Variants in SGCZ observed in about 807,000 individuals in gnomAD.
The protein encoded by SGCZ is sarcoglycan zeta, also known as zeta-sarcoglycan.
SGCZ carries 40 observed loss-of-function variants against 41.3 expected under a neutral mutation model. The ratio of observed to expected loss-of-function variants is 0.97; its 90% CI spans 0.75 to 1.26. SGCZ has a LOEUF of 1.26. Ranked by LOEUF, SGCZ falls within the 50% of genes most tolerant of loss-of-function variation. The probability of loss-of-function intolerance (pLI) is 0.00; values close to 1 mark genes in which losing one functional copy is unlikely to be tolerated. For synonymous variants in SGCZ, 206 were observed against 137.5 expected, an observed-to-expected ratio of 1.50 and a Z score of -3.49; for missense variants, 552 against 369.8, an observed-to-expected ratio of 1.49 and a Z score of -4.04.
At chr8:14,515,713 G>C (rs1484524032) in intron 2 of SGCZ, among the ~76,000 whole-genome samples, 5 of 152,038 alleles carry the variant, frequency 3.3e-5, no homozygotes, top group Non-Finnish European at 4.4e-5. Flanking sequence ...ATTGACGAAA[G>C]TTGTCCATTG....
At chr8:14,117,034 T>C (rs1802544498) in intron 5 of SGCZ, among the ~76,000 whole-genome samples, 1 of 152,118 alleles carries the variant, frequency 6.6e-6, no homozygotes, top group African/African-American at 2.4e-5. Context: ...TGGGCTATTA[T>C]GGTAACCTGT....
intron 1 of SGCZ, among the ~76,000 whole-genome samples, chr8:14,828,497 G>A (rs1007734342): frequency 1.3e-5 from 2 of 152,126 alleles, no homozygotes; most frequent in South Asian, 2.1e-4. Context: ...CTGAGTTTTC[G>A]ATGGAAATTT....
intron 1 of SGCZ, among the ~76,000 whole-genome samples, chr8:15,119,879 A>C (rs1807413017): frequency 6.6e-6 from 1 of 152,156 alleles, no homozygotes; most frequent in South Asian, 2.1e-4. Context: ...GTGCGATCAT[A>C]ACGCATTGTG....
chr8:14,263,587 A>G (rs537678641), intron 3 of SGCZ, among the ~76,000 whole-genome samples: 3 of 152,102 alleles, frequency 2.0e-5, no homozygotes, highest in Non-Finnish European at 4.4e-5. Context: ...AAATGAATAA[A>G]TACATAAATA....
chr8:14,227,819 A>T (rs1164617827), intron 4 of SGCZ, among the ~76,000 whole-genome samples: 1 of 152,024 alleles, frequency 6.6e-6, no homozygotes, highest in Non-Finnish European at 1.5e-5. Flanking sequence ...GCATTATCTG[A>T]CTTGGAATTT....
At chr8:14,770,996 A>G (rs760100197) in intron 1 of SGCZ, among the ~76,000 whole-genome samples, 5 of 152,192 alleles carry the variant, frequency 3.3e-5, no homozygotes, top group African/African-American at 7.2e-5. Context: ...AAACACAAGT[A>G]CACTTCAATA....
intron 1 of SGCZ, among the ~76,000 whole-genome samples, chr8:14,948,738 T>C (rs1217446418): frequency 2.0e-5 from 3 of 152,174 alleles, no homozygotes; most frequent in Non-Finnish European, 2.9e-5. Flanking sequence ...CTAAGCCTTC[T>C]ATCCTTCTTG....
Position 14,187,277 on chromosome 8 carries a change from A to G in SGCZ, c.425-22575T>C, listed in dbSNP as rs988100931. Reference sequence around the variant, plus strand: ...AGATTTCTCAAAATATGTTACCTAAATTTTCCAATGTTCAACAAAATTATG... The same window carrying G: ...AGATTTCTCAAAATATGTTACCTAAGTTTTCCAATGTTCAACAAAATTATG... On this transcript the variant is annotated intron_variant, in intron 4 of 7. Transcript: ENST00000382080. 1.6e-4 allele frequency among the ~76,000 whole-genome samples: 25 copies of G among 152,326 alleles called. 1 individual carries two copies. The highest frequency in any genetic ancestry group is 1.6e-3 in the Admixed American group (24 of 15,292).
At chr8:14,906,828 A>C (rs568532527) in intron 1 of SGCZ, among the ~76,000 whole-genome samples, 14 of 152,210 alleles carry the variant, frequency 9.2e-5, no homozygotes, top group Non-Finnish European at 1.9e-4. Context: ...GGTTCTTATG[A>C]GAGAAATCAT....
intron 1 of SGCZ, among the ~76,000 whole-genome samples, chr8:14,926,227 G>C (rs4265186): frequency 6.6e-6 from 1 of 151,868 alleles, no homozygotes; most frequent in South Asian, 2.1e-4. Context: ...CTCATTTGTC[G>C]TTCAAATTTT....
chr8:14,430,384 G>A (rs185242181), intron 2 of SGCZ, among the ~76,000 whole-genome samples: 67 of 152,176 alleles, frequency 4.4e-4, no homozygotes, highest in Non-Finnish European at 6.8e-4. Flanking sequence ...TGCAGTAATG[G>A]TTTAACATAT....
intron 5 of SGCZ, among the ~76,000 whole-genome samples, chr8:14,146,974 T>C (rs1803546716): frequency 6.6e-6 from 1 of 150,626 alleles, no homozygotes; most frequent in Non-Finnish European, 1.5e-5. Flanking sequence ...AACCCAAAAA[T>C]TTAGTAAGGA....
chr8:14,103,755 C>G (rs1313881973), intron 6 of SGCZ, among the ~76,000 whole-genome samples: 2 of 151,928 alleles, frequency 1.3e-5, no homozygotes, highest in African/African-American at 2.4e-5. Flanking sequence ...TTGAATGTGT[C>G]TATTTTTAAG....
At chr8:15,177,619 G>C (rs1800038607) in intron 1 of SGCZ, among the ~76,000 whole-genome samples, 1 of 152,288 alleles carries the variant, frequency 6.6e-6, no homozygotes, top group African/African-American at 2.4e-5. Flanking sequence ...GGAACTGATG[G>C]AACAGTAAGG....
At chr8:14,750,324 C>T (rs1300459333) in intron 1 of SGCZ, among the ~76,000 whole-genome samples, 2 of 152,044 alleles carry the variant, frequency 1.3e-5, no homozygotes, top group Non-Finnish European at 2.9e-5. Context: ...ATTAAAGATT[C>T]ACAGAAACAT....
chr8:14,427,077 C>T (rs12386878), intron 2 of SGCZ, among the ~76,000 whole-genome samples: 131 of 146,260 alleles, frequency 9.0e-4, no homozygotes, highest in African/African-American at 2.5e-3. Flanking sequence ...AGTGAATGAA[C>T]GAATGAATGA....
At chr8:14,484,573 T>C (rs867441197) in intron 2 of SGCZ, among the ~76,000 whole-genome samples, 1 of 152,164 alleles carries the variant, frequency 6.6e-6, no homozygotes, top group Admixed American at 6.5e-5. Context: ...CATCCTGGTA[T>C]GGAAAAAGAT....
intron 1 of SGCZ, among the ~76,000 whole-genome samples, chr8:14,981,909 G>A (rs556634700): frequency 1.3e-5 from 2 of 152,252 alleles, no homozygotes; most frequent in East Asian, 3.9e-4. Flanking sequence ...CAGCACTTTG[G>A]GAGGCTGAAG....
At chr8:14,932,418 A>T (rs1799945664) in intron 1 of SGCZ, among the ~76,000 whole-genome samples, 1 of 152,020 alleles carries the variant, frequency 6.6e-6, no homozygotes, top group Non-Finnish European at 1.5e-5. Flanking sequence ...GATGTAAAGG[A>T]TGCAATAAAA....
Sources: gnomAD v4.1 joint callset for allele counts (sites outside exome capture counted in the v4.1 genomes callset) on GRCh38, gnomAD v4.1.1 for gene constraint, MANE v1.5 for transcripts, NCBI Gene and HGNC (gene_info 2026-07-23, HGNC 2026-07-21) for gene names.